The following NFIA variants were observed in gnomAD, a reference collection of about 807,000 sequenced individuals.
NFIA encodes nuclear factor 1 A-type.
NFIA carries 8 observed loss-of-function variants against 62.8 expected under a neutral mutation model. That is an observed-to-expected ratio of 0.13 (90% CI 0.07 to 0.23). The LOEUF is 0.23. NFIA is among the 10% of genes least tolerant of loss of function. The probability of loss-of-function intolerance (pLI) is 1.00; values close to 1 mark genes in which losing one functional copy is unlikely to be tolerated. For missense variants in NFIA, 410 were observed against 642.1 expected, an observed-to-expected ratio of 0.64 and a Z score of 3.91; for synonymous variants, 235 against 238.1, an observed-to-expected ratio of 0.99 and a Z score of 0.12.
chr1:61,128,418 C>T (rs1196483791), intron 2 of NFIA, among the ~76,000 whole-genome samples: 1 of 152,004 alleles, frequency 6.6e-6, no homozygotes, highest in East Asian at 1.9e-4. Context: ...CAAGACCAGC[C>T]TAGGAAACAT....
chr1:61,388,431 G>T (rs926554189), intron 7 of NFIA, among the ~76,000 whole-genome samples: 1 of 152,176 alleles, frequency 6.6e-6, no homozygotes, highest in Non-Finnish European at 1.5e-5. Flanking sequence ...CCTGGTTGAT[G>T]ATCTGAAGGG....
chr1:61,426,612 C>A, intron 10 of NFIA, 56 bp downstream of exon 10: 2 of 1,292,706 alleles, frequency 1.5e-6, no homozygotes, highest in Non-Finnish European at 2.1e-6. Flanking sequence ...TCATCAGGTG[C>A]ATTTTAACTT....
intron 2 of NFIA, among the ~76,000 whole-genome samples, chr1:61,128,475 G>A (rs776308044): frequency 1.3e-5 from 2 of 152,086 alleles, no homozygotes; most frequent in Non-Finnish European, 2.9e-5. Context: ...AGCCATGCTT[G>A]TAGTCCTAGC....
chr1:61,362,805 G>A lies in NFIA; in HGVS notation c.946+3531G>A, dbSNP rs149526491. On this transcript the variant is annotated intron_variant, in intron 6 of 10. Transcript: ENST00000403491. ...TTGTTTCCCAGTTATCTCAAAACTGGGTTAGATACGAAGCTTTGAAGCAAA... is the reference window on the plus strand; with the variant it reads ...TTGTTTCCCAGTTATCTCAAAACTGAGTTAGATACGAAGCTTTGAAGCAAA... Among the ~76,000 whole-genome samples the A allele has an allele frequency of 2.6e-3, 392 of 152,266 alleles. 3 individuals carry two copies. Among genetic ancestry groups the A allele is most frequent in the African/African-American group, 9.1e-3 (377 of 41,542 alleles).
intron 3 of NFIA, among the ~76,000 whole-genome samples, chr1:61,299,047 T>C (rs1351552935): frequency 1.3e-5 from 2 of 152,174 alleles, no homozygotes; most frequent in Non-Finnish European, 2.9e-5. Context: ...TCTAAAATAA[T>C]TGTATACTAG....
At chr1:61,153,502 ATTGGT>A (rs1648571843) in intron 2 of NFIA, among the ~76,000 whole-genome samples, 1 of 152,180 alleles carries the variant, frequency 6.6e-6, no homozygotes, top group Non-Finnish European at 1.5e-5. Context: ...GACACACTGC[ATTGGT>A]TAATAACTAA....
At chr1:61,387,504 C>T (rs1380145694) in intron 7 of NFIA, among the ~76,000 whole-genome samples, 5 of 131,634 alleles carry the variant, frequency 3.8e-5, no homozygotes, top group African/African-American at 1.5e-4. Flanking sequence ...GACGGAGTCT[C>T]GTCAAGCAGT....
intron 2 of NFIA, among the ~76,000 whole-genome samples, chr1:61,220,319 G>A (rs1653939145): frequency 6.6e-6 from 1 of 152,146 alleles, no homozygotes; most frequent in Non-Finnish European, 1.5e-5. Flanking sequence ...ATGCCACTGG[G>A]ATACTTGATG....
chr1:61,086,790 T>G (rs1646226441), intron 1 of NFIA, among the ~76,000 whole-genome samples: 1 of 152,196 alleles, frequency 6.6e-6, no homozygotes, highest in South Asian at 2.1e-4. Flanking sequence ...ATTGTGTTAA[T>G]AATAATATTC....
chr1:61,192,905 C>T (rs1023936575), intron 2 of NFIA, among the ~76,000 whole-genome samples: 5 of 152,076 alleles, frequency 3.3e-5, no homozygotes, highest in East Asian at 1.9e-4. Flanking sequence ...ACCAACATTC[C>T]GAGGAGATGT....
chr1:61,400,082 G>A (rs912856159), intron 7 of NFIA, among the ~76,000 whole-genome samples: 11 of 152,188 alleles, frequency 7.2e-5, no homozygotes, highest in African/African-American at 2.7e-4. Flanking sequence ...GGACTGGTGG[G>A]GAGGGAATGA....
chr1:61,268,314 A>G (rs1172141956), intron 2 of NFIA, among the ~76,000 whole-genome samples: 1 of 152,218 alleles, frequency 6.6e-6, no homozygotes, highest in Non-Finnish European at 1.5e-5. Context: ...GATTATGGAT[A>G]TGACAAGACC....
At chr1:61,455,226 T>G in intron 10 of NFIA, 77 bp from the exon 11 acceptor site, 1 of 1,509,374 alleles carries the variant, frequency 6.6e-7, no homozygotes, top group South Asian at 1.1e-5. Flanking sequence ...CCTGATTTCG[T>G]GGTTGAAAAG....
chr1:61,344,811 T>A (rs1412614229), intron 4 of NFIA, among the ~76,000 whole-genome samples: 5 of 152,250 alleles, frequency 3.3e-5, no homozygotes, highest in Non-Finnish European at 7.3e-5. Context: ...CACACTGTAA[T>A]CTCTCAGGCA....
At chr1:61,120,781 G>A (rs1646874970) in intron 2 of NFIA, among the ~76,000 whole-genome samples, 1 of 152,124 alleles carries the variant, frequency 6.6e-6, no homozygotes, top group Admixed American at 6.5e-5. Context: ...TAAATAGCTT[G>A]CTGGTTCTAA....
chr1:61,442,083 G>A (rs573194437), intron 10 of NFIA, among the ~76,000 whole-genome samples: 7 of 152,098 alleles, frequency 4.6e-5, no homozygotes, highest in East Asian at 1.9e-4. Flanking sequence ...CTATCCCCTC[G>A]CACCCCTTCC....
At chr1:61,388,649 C>A (rs890225080) in intron 7 of NFIA, among the ~76,000 whole-genome samples, 2 of 152,214 alleles carry the variant, frequency 1.3e-5, no homozygotes, top group African/African-American at 4.8e-5. Context: ...GAGCAGCCTA[C>A]ACGATCCACA....
chr1:61,197,710 G>A (rs570243365), intron 2 of NFIA, among the ~76,000 whole-genome samples: 3 of 152,082 alleles, frequency 2.0e-5, no homozygotes, highest in East Asian at 2.0e-4. Flanking sequence ...GGCATGGCGC[G>A]GTGGCTCATG....
At chr1:61,407,906 C>T (rs1031719044) in intron 9 of NFIA, among the ~76,000 whole-genome samples, 1 of 152,108 alleles carries the variant, frequency 6.6e-6, no homozygotes, top group Non-Finnish European at 1.5e-5. Flanking sequence ...TTCTAGGCCT[C>T]TCAGCTTCCT....
Sources: allele counts gnomAD v4.1 joint callset (sites outside exome capture counted in the v4.1 genomes callset), GRCh38; gene constraint gnomAD v4.1.1; transcripts MANE v1.5; gene names NCBI Gene and HGNC (gene_info 2026-07-23, HGNC 2026-07-21).